The following BANK1 variants were observed in gnomAD, a reference collection of about 807,000 sequenced individuals.
BANK1 encodes the protein B cell scaffold protein with ankyrin repeats 1, also known as B-cell scaffold protein with ankyrin repeats.
BANK1 carries 95 observed loss-of-function variants against 94.5 expected under a neutral mutation model. That is an observed-to-expected ratio of 1.00 (90% CI 0.85 to 1.19). The LOEUF is 1.19. Among genes scored for constraint, BANK1 ranks in the 50% most tolerant of loss-of-function variants. The pLI is 0.00. For synonymous variants in BANK1, 334 were observed against 308.4 expected (o/e 1.08, Z -0.87); for missense variants, 987 against 932.2 (o/e 1.06, Z -0.77).
chr4:101,808,834 T>A (rs918874535), intron 1 of BANK1, among the ~76,000 whole-genome samples: 1 of 152,194 alleles, frequency 6.6e-6, no homozygotes, highest in East Asian at 1.9e-4. Context: ...ATGGCCATAA[T>A]TAAAAAGTTA....
Position 102,021,537 on chromosome 4 carries a change from T to C in BANK1, c.1230T>C (p.Asn410=). The change falls in exon 8 of 17, where the codon AAT becomes AAC. Residue 410 remains asparagine, a synonymous_variant. Transcript: ENST00000322953. The part of the protein sequence containing the change: ...DFSIQEIDIN[N]EQENDYEEDI... ...AGATCCAAGAAATTGACATAAATAA[T>C]GAGCAAGAAAATGATTATGAAGAGG... is the stretch of plus-strand genomic sequence containing the variant. 1 of 1,466,988 alleles carries C rather than the reference T, an allele frequency of 6.8e-7. No individual in the cohort carries two copies. The highest frequency in any genetic ancestry group is 9.2e-7 in the Non-Finnish European group (1 of 1,088,642). 90.9% of individuals were successfully genotyped at this position (1,466,988 alleles called of 1,614,324 possible). A position where few individuals can be genotyped will look rare whatever the true frequency, so the allele number is the denominator to read the frequency against.
At chr4:102,043,412 A>C (rs115154558) in intron 10 of BANK1, among the ~76,000 whole-genome samples, 3 of 152,066 alleles carry the variant, frequency 2.0e-5, no homozygotes, top group Non-Finnish European at 4.4e-5. Flanking sequence ...TCTGAAATAC[A>C]AGAGTCTTTT....
In BANK1 at chr4:102,063,270, C is replaced by G. The variant is rs950350722; in HGVS notation, c.2212+132C>G. The G allele has an allele frequency of 1.1e-5, 8 of 728,176 alleles. No homozygotes were observed. The East Asian group carries it at 2.2e-4, about 20-fold the overall frequency. 45.1% of individuals were successfully genotyped at this position (728,176 alleles called of 1,614,324 possible). A position where few individuals can be genotyped will look rare whatever the true frequency, so the allele number is the denominator to read the frequency against. On this transcript the variant is annotated intron_variant, in intron 13 of 16. Transcript: ENST00000322953. ...CCCAGCTGTCTAACCTGGAGAGGGT[C>G]TTAATCTCTGGTAGTCAAATTCCTT...
intron 2 of BANK1, among the ~76,000 whole-genome samples, chr4:101,839,703 C>A (rs1726958983): frequency 6.6e-6 from 1 of 152,010 alleles, no homozygotes. Flanking sequence ...TGAATCATTG[C>A]TTCATTATTC....
At chr4:101,993,441 A>G (rs1725775245) in intron 7 of BANK1, among the ~76,000 whole-genome samples, 1 of 152,190 alleles carries the variant, frequency 6.6e-6, no homozygotes, top group Non-Finnish European at 1.5e-5. Context: ...AGCAACAGCA[A>G]GAGGGAAGTA....
chr4:102,065,670 G>C (rs1440360334), intron 13 of BANK1, among the ~76,000 whole-genome samples: 1 of 151,546 alleles, frequency 6.6e-6, no homozygotes, highest in Non-Finnish European at 1.5e-5. Flanking sequence ...TGAAAAATGT[G>C]GTTTAAAGGA....
chr4:102,063,736 C>G (rs891664789), intron 13 of BANK1, among the ~76,000 whole-genome samples: 3 of 151,134 alleles, frequency 2.0e-5, no homozygotes, highest in African/African-American at 7.3e-5. Flanking sequence ...GCAGGAGAAC[C>G]CCCCCGGAAG....
chr4:101,796,630 A>G (rs1725164556), intron 1 of BANK1, among the ~76,000 whole-genome samples: 1 of 152,200 alleles, frequency 6.6e-6, no homozygotes, highest in Non-Finnish European at 1.5e-5. Flanking sequence ...CTGGAGAGAA[A>G]ATAATTCACC....
chr4:101,885,467 T>C (rs531543084), intron 5 of BANK1, among the ~76,000 whole-genome samples: 3 of 152,288 alleles, frequency 2.0e-5, no homozygotes, highest in South Asian at 2.1e-4. Flanking sequence ...TGCTCCTCTA[T>C]CTAACTGAAG....
chr4:101,940,529 T>C (rs1578410621), intron 7 of BANK1, among the ~76,000 whole-genome samples: 1 of 151,920 alleles, frequency 6.6e-6, no homozygotes, highest in African/African-American at 2.4e-5. Context: ...CCATTCAACA[T>C]GCCATATTGC....
chr4:101,867,635 A>G (rs994697774), intron 4 of BANK1, among the ~76,000 whole-genome samples: 3 of 152,028 alleles, frequency 2.0e-5, no homozygotes, highest in African/African-American at 7.2e-5. Flanking sequence ...ATCATAAGGG[A>G]CAGGAGGGAC....
intron 1 of BANK1, among the ~76,000 whole-genome samples, chr4:101,817,335 A>C (rs1027164533): frequency 6.6e-6 from 1 of 152,220 alleles, no homozygotes; most frequent in Non-Finnish European, 1.5e-5. Flanking sequence ...ACACCATGGA[A>C]TTCTATGCAG....
At chr4:101,959,777 G>T (rs191961808) in intron 7 of BANK1, among the ~76,000 whole-genome samples, 2 of 152,306 alleles carry the variant, frequency 1.3e-5, no homozygotes, top group Non-Finnish European at 2.9e-5. Context: ...AGATTCATCT[G>T]TCATGAGCTA....
intron 7 of BANK1, among the ~76,000 whole-genome samples, chr4:101,926,353 G>T (rs1026716303): frequency 6.6e-5 from 10 of 151,562 alleles, no homozygotes; most frequent in Non-Finnish European, 1.2e-4. Flanking sequence ...GATTATGATT[G>T]ACTTATTCTG....
intron 1 of BANK1, 78 bp from the exon 2 acceptor site, chr4:101,829,730 T>C: frequency 1.1e-6 from 1 of 901,044 alleles, no homozygotes; most frequent in Non-Finnish European, 1.6e-6. Flanking sequence ...CTAGTGAGCA[T>C]ATTAAAATTT....
At chr4:101,791,766 T>C (rs1578319285) in intron 1 of BANK1, among the ~76,000 whole-genome samples, 1 of 152,210 alleles carries the variant, frequency 6.6e-6, no homozygotes, top group East Asian at 1.9e-4. Flanking sequence ...TCTAGAATTT[T>C]TTAGGTAATG....
At chr4:102,036,980 A>G (rs1181120449) in intron 10 of BANK1, 1 of 152,252 alleles carries the variant, frequency 6.6e-6, no homozygotes, top group Non-Finnish European at 1.5e-5. Context: ...ATTACACAAG[A>G]CAATGAATGC....
At chr4:102,048,559 T>C (rs1487094809) in intron 11 of BANK1, among the ~76,000 whole-genome samples, 1 of 152,154 alleles carries the variant, frequency 6.6e-6, no homozygotes, top group Non-Finnish European at 1.5e-5. Flanking sequence ...AGTGATACTC[T>C]CTTTATTTGG....
At chr4:101,959,177 C>T (rs977579259) in intron 7 of BANK1, among the ~76,000 whole-genome samples, 4 of 151,692 alleles carry the variant, frequency 2.6e-5, no homozygotes, top group African/African-American at 9.7e-5. Context: ...CACTCTGTCG[C>T]CCAGGCTGCT....
Sources: gnomAD v4.1 joint callset for allele counts (sites outside exome capture counted in the v4.1 genomes callset) on GRCh38, gnomAD v4.1.1 for gene constraint, MANE v1.5 for transcripts, NCBI Gene and HGNC (gene_info 2026-07-23, HGNC 2026-07-21) for gene names.